Variants in EPN1 observed in about 807,000 individuals in gnomAD.
EPN1 encodes epsin 1.
EPN1 carries 25 observed loss-of-function variants against 56.9 expected under a neutral mutation model. The observed-to-expected ratio is 0.44, with a 90% CI of 0.32 to 0.61. EPN1 has a LOEUF of 0.61. Ranked by LOEUF, EPN1 falls within the 20% of genes least tolerant of loss-of-function variation. EPN1 has a pLI of 0.05. For missense variants in EPN1, 785 were observed against 823.7 expected (o/e 0.95, Z 0.58); for synonymous variants, 411 against 361.8 (o/e 1.14, Z -1.54).
Position 55,699,147 on chromosome 19 carries a change from T to C in EPN1, c.*3791T>C, listed in dbSNP as rs1987026540. ...TATATATACATGTGCCATGTTGGTG[T>C]GCTGCACGCATTAACTCGTCATTTA... is the stretch of plus-strand genomic sequence containing the variant. On this transcript the variant is annotated 3_prime_UTR_variant, in exon 11 of 11. Transcript: ENST00000270460. 6.6e-6 allele frequency: 1 copy of C among 152,218 alleles called. No individual in the cohort carries two copies. The highest frequency in any genetic ancestry group is 6.5e-5 in the Admixed American group (1 of 15,280). 9.4% of individuals were successfully genotyped at this position (152,218 alleles called of 1,614,324 possible). A position where few individuals can be genotyped will look rare whatever the true frequency, so the allele number is the denominator to read the frequency against.
chr19:55,684,086 A>G (rs951379538), intron 2 of EPN1, among the ~76,000 whole-genome samples: 4 of 152,260 alleles, frequency 2.6e-5, no homozygotes, highest in East Asian at 1.9e-4. Context: ...TTTCGTGTAA[A>G]TACCTTGAGG....
At chr19:55,692,554 C>T in intron 7 of EPN1, 132 bp from the exon 8 acceptor site, 1 of 567,094 alleles carries the variant, frequency 1.8e-6, no homozygotes, top group Non-Finnish European at 3.1e-6. Context: ...GTGCGGGAGG[C>T]CGGGTGGGGT....
At chr19:55,686,692 C>T (rs1419419093) in intron 3 of EPN1, among the ~76,000 whole-genome samples, 1 of 151,944 alleles carries the variant, frequency 6.6e-6, no homozygotes, top group Non-Finnish European at 1.5e-5. Context: ...TGGGCGTGAA[C>T]GCAGAGAGAG....
chr19:55,692,547 C>T (rs1466646053), intron 7 of EPN1, 139 bp from the exon 8 acceptor site: 77 of 453,782 alleles, frequency 1.7e-4, no homozygotes, highest in South Asian at 6.5e-4. Context: ...AGTGTGTGTG[C>T]GGGAGGCCGG....
At chr19:55,693,557 A>G (rs1431695009) in intron 9 of EPN1, among the ~76,000 whole-genome samples, 1 of 152,180 alleles carries the variant, frequency 6.6e-6, no homozygotes, top group Non-Finnish European at 1.5e-5. Flanking sequence ...TGACGGGCCC[A>G]TCTGCTGAGT....
At position 55,696,465 on chromosome 19, in the gene EPN1, C is replaced by G. The variant is rs1333872413; in HGVS notation, c.*1109C>G. 2.0e-5 allele frequency: 3 copies of G among 152,354 alleles called. No individual in the cohort carries two copies. In the East Asian group the frequency reaches 5.8e-4, roughly 29 times the overall value. 9.4% of individuals were successfully genotyped at this position (152,354 alleles called of 1,614,324 possible). A position where few individuals can be genotyped will look rare whatever the true frequency, so the allele number is the denominator to read the frequency against. The stretch of plus-strand genomic sequence containing the variant: ...CAGGCTGTTCTTCCATGTGGAGTCT[C>G]CCTCCGTGATCCCCTGGGGTCAAGT... On this transcript the variant is annotated 3_prime_UTR_variant, in exon 11 of 11. Coordinates refer to ENST00000270460, the MANE Select transcript of EPN1 (RefSeq NM_001130072.2).
Position 55,678,639 on chromosome 19 carries a change from G to A in EPN1, c.12G>A (p.Ser4=), listed in dbSNP as rs202047340. The change falls in exon 2 of 11, where the codon TCG becomes TCA. Residue 4 remains serine, a synonymous_variant. Transcript: ENST00000270460. ...TGCAGCCGGGCACCATGTCGACCTC[G>A]TCCTTGAGGCGCCAGATGAAGAACA... is the stretch of plus-strand genomic sequence containing the variant. MST[S]SLRRQMKNIV... The A allele has an allele frequency of 8.1e-6, 13 of 1,611,648 alleles. No individual in the cohort carries two copies. The highest frequency in any genetic ancestry group is 2.7e-5 in the African/African-American group (2 of 75,002).
intron 6 of EPN1, among the ~76,000 whole-genome samples, chr19:55,690,521 T>C (rs1371816221): frequency 1.3e-5 from 2 of 152,248 alleles, no homozygotes; most frequent in Non-Finnish European, 2.9e-5. Context: ...TTTCGTGTCA[T>C]GGCTGAGGTC....
rs534893540 is a variant in EPN1, at chr19:55,682,585, ATTT to A, written c.229-2807_229-2805del. On this transcript the variant is annotated intron_variant, in intron 2 of 10. Coordinates refer to ENST00000270460, the MANE Select transcript of EPN1 (RefSeq NM_001130072.2). ...ACGCATGTGCCACCACGCCTAGCTA[ATTT>A]TTTGTTATTTTATTTATTTATTTTT... Among the ~76,000 whole-genome samples, 33 of 151,896 alleles carry A rather than the reference ATTT, an allele frequency of 2.2e-4. No homozygotes were observed. In the South Asian group the frequency reaches 6.5e-3, roughly 30 times the overall value.
rs1025095935 is a variant in EPN1, at chr19:55,701,463, AAAT to A, written c.*6108_*6110del. 6.6e-6 allele frequency: 1 copy of A among 151,950 alleles called. No individual in the cohort carries two copies. The allele number at this position is 151,950 out of a possible 1,614,324, so 9.4% of individuals were successfully genotyped here. ...GACCCTGTCTCCAAAAAAAAAAAAA[AAAT>A]GATACTGTTTCCTGTATTTTTTTCT... On this transcript the variant is annotated 3_prime_UTR_variant, in exon 11 of 11. Coordinates refer to ENST00000270460, the MANE Select transcript of EPN1 (RefSeq NM_001130072.2).
At chr19:55,692,874 G>A in intron 8 of EPN1, 77 bp from the exon 9 acceptor site, 4 of 1,593,580 alleles carry the variant, frequency 2.5e-6, no homozygotes, top group Non-Finnish European at 2.6e-6. Flanking sequence ...CTAAGGGAGG[G>A]GTGGACGCCT....
chr19:55,679,751 G>A (rs181610092), intron 2 of EPN1, among the ~76,000 whole-genome samples: 3 of 152,278 alleles, frequency 2.0e-5, no homozygotes, highest in East Asian at 3.9e-4. Flanking sequence ...GTTGAGGCTC[G>A]TTTCCTGTGA....
chr19:55,709,135 CTT>C lies in EPN1; in HGVS notation c.*13781_*13782del, dbSNP rs1987592123. 1.2e-6 allele frequency: 1 copy of C among 848,698 alleles called. No homozygotes were observed. The highest frequency in any genetic ancestry group is 1.8e-5 in the African/African-American group (1 of 55,872). The allele number at this position is 848,698 out of a possible 1,614,324, so 52.6% of individuals were successfully genotyped here. ...TTCTGATGTCTACCTCTCCTCTCCTCTTTATTCTTTCCTAGAAATCACTGGGA... is the reference window on the plus strand; with the variant it reads ...TTCTGATGTCTACCTCTCCTCTCCTCTATTCTTTCCTAGAAATCACTGGGA... On this transcript the variant is annotated 3_prime_UTR_variant, in exon 11 of 11. Transcript: ENST00000270460.
intron 9 of EPN1, 46 bp downstream of exon 9, chr19:55,693,083 CT>C (rs773639628): frequency 1.5e-5 from 23 of 1,574,050 alleles, no homozygotes; most frequent in Non-Finnish European, 1.7e-5. Flanking sequence ...GGAGCCTCCC[CT>C]AGCTCTTCGG....
rs1178691798 is a variant in EPN1 at position 55,702,497 on chromosome 19, T to G, written c.*7141T>G. 6.6e-6 allele frequency: 1 copy of G among 152,190 alleles called. No individual in the cohort carries two copies. The highest frequency in any genetic ancestry group is 1.5e-5 in the Non-Finnish European group (1 of 68,038). 9.4% of individuals were successfully genotyped at this position (152,190 alleles called of 1,614,324 possible). ...CTGGGGCCCATCTATGTATGTGGCT[T>G]GGTGATTACCCAGGAACCTCCCAAG... On this transcript the variant is annotated 3_prime_UTR_variant, in exon 11 of 11. Coordinates refer to ENST00000270460, the MANE Select transcript of EPN1 (RefSeq NM_001130072.2).
Position 55,709,025 on chromosome 19 carries a change from C to G in EPN1, c.*13669C>G, listed in dbSNP as rs779015854. 7 of 1,576,064 alleles carry G rather than the reference C, an allele frequency of 4.4e-6. No homozygotes were observed. The highest frequency in any genetic ancestry group is 4.2e-5 in the African/African-American group (3 of 72,288). Reference sequence around the variant, plus strand: ...ATCAGGATCTTCTGAGTTTCTTCATCAAAGCCAGATTTGTGCAGCCTGGGA... The same window carrying G: ...ATCAGGATCTTCTGAGTTTCTTCATGAAAGCCAGATTTGTGCAGCCTGGGA... On this transcript the variant is annotated 3_prime_UTR_variant, in exon 11 of 11. Transcript: ENST00000270460.
Position 55,709,163 on chromosome 19 carries a change from G to C in EPN1, c.*13807G>C. On this transcript the variant is annotated 3_prime_UTR_variant, in exon 11 of 11. Transcript: ENST00000270460. ...TATTCTTTCCTAGAAATCACTGGGA[G>C]AATTGTACTGAATTTGAAAAACAAG... is the stretch of plus-strand genomic sequence containing the variant. The C allele has an allele frequency of 1.6e-6, 1 of 631,606 alleles. No individual in the cohort carries two copies. The highest frequency in any genetic ancestry group is 2.5e-6 in the Non-Finnish European group (1 of 404,428). 39.1% of individuals were successfully genotyped at this position (631,606 alleles called of 1,614,324 possible).
rs1302089033 is a variant in EPN1, at chr19:55,691,892, G to C, written c.901G>C (p.Val301Leu). The C allele has an allele frequency of 6.3e-7, 1 of 1,599,426 alleles. No individual in the cohort carries two copies. Among genetic ancestry groups the C allele is most frequent in the Non-Finnish European group, 8.5e-7 (1 of 1,173,224 alleles). ...PTSDPWGGPP[V>L]PPAADPWGGP... ...CTCGGACCCCTGGGGCGGCCCCCCT[G>C]TCCCTCCAGCTGCTGATCCCTGGGG... The change falls in exon 7 of 11, where the codon GTC (valine) becomes CTC (leucine). Residue 301 changes from valine (V) to leucine (L), a missense_variant. Val to Leu is a conservative substitution (Grantham distance 32). Coordinates refer to ENST00000270460, the MANE Select transcript of EPN1 (RefSeq NM_001130072.2). This position sits in a 1 kb window ranked among gnomAD's most constrained non-coding sequence, Gnocchi z 5.6.
Position 55,694,191 on chromosome 19 carries a change from C to G in EPN1, c.1265-535C>G, listed in dbSNP as rs1468540887. ...CTGAGGTTGCGCCATTGCGCTCCAA[C>G]TGGGGAAACGAGCGACACTCCGTCT... On this transcript the variant is annotated intron_variant, in intron 9 of 10. Coordinates refer to ENST00000270460, the MANE Select transcript of EPN1 (RefSeq NM_001130072.2). This position sits in a 1 kb window ranked among gnomAD's most constrained non-coding sequence, Gnocchi z 4.2. The G allele has an allele frequency of 7.0e-6, 1 of 143,046 alleles. No homozygotes were observed. The highest frequency in any genetic ancestry group is 2.7e-5 in the African/African-American group (1 of 37,720). The allele number at this position is 143,046 out of a possible 1,614,324, so 8.9% of individuals were successfully genotyped here. A position where few individuals can be genotyped will look rare whatever the true frequency, so the allele number is the denominator to read the frequency against.
Sources: allele counts gnomAD v4.1 joint callset (sites outside exome capture counted in the v4.1 genomes callset), GRCh38; gene constraint gnomAD v4.1.1; non-coding constraint Gnocchi (gnomAD v3.1); transcripts MANE v1.5; gene names NCBI Gene and HGNC (gene_info 2026-07-23, HGNC 2026-07-21).